Variants in NRP2 observed in about 807,000 individuals in gnomAD.
NRP2 encodes the protein neuropilin-2.
Under a neutral mutation model 110.4 loss-of-function variants are expected in NRP2, and 52 were observed. The observed-to-expected ratio is 0.47, with a 90% CI of 0.38 to 0.59. NRP2 has a LOEUF of 0.59. Ranked by LOEUF, NRP2 falls within the 20% of genes least tolerant of loss-of-function variation. The pLI, the probability that NRP2 is intolerant of heterozygous loss-of-function variation, is 0.00. For missense variants in NRP2, 1,049 were observed against 1,203.0 expected, an observed-to-expected ratio of 0.87 and a Z score of 1.89; for synonymous variants, 508 against 468.9, an observed-to-expected ratio of 1.08 and a Z score of -1.08.
intron 15 of NRP2, among the ~76,000 whole-genome samples, chr2:205,785,515 T>C (rs980587196): frequency 4.6e-5 from 7 of 152,232 alleles, no homozygotes; most frequent in Admixed American, 1.3e-4. Context: ...CAATTGCTTG[T>C]TCACATATCT....
At chr2:205,695,302 G>C (rs1022735176) in intron 1 of NRP2, among the ~76,000 whole-genome samples, 1 of 152,154 alleles carries the variant, frequency 6.6e-6, no homozygotes, top group Non-Finnish European at 1.5e-5. Flanking sequence ...ATTTTTTTGT[G>C]TGGTGGTGGT....
At chr2:205,702,932 T>C (rs2056591563) in intron 2 of NRP2, among the ~76,000 whole-genome samples, 1 of 152,166 alleles carries the variant, frequency 6.6e-6, no homozygotes, top group African/African-American at 2.4e-5. Flanking sequence ...TATCACCCTT[T>C]CCTCTGAACT....
At chr2:205,755,490 A>T (rs1011606593) in intron 12 of NRP2, among the ~76,000 whole-genome samples, 3 of 152,232 alleles carry the variant, frequency 2.0e-5, no homozygotes, top group Middle Eastern at 3.4e-3. Flanking sequence ...TGATGACTTT[A>T]TGAACCGTTC....
At chr2:205,745,165 T>G (rs1367952219) in intron 9 of NRP2, among the ~76,000 whole-genome samples, 2 of 152,200 alleles carry the variant, frequency 1.3e-5, no homozygotes, top group Non-Finnish European at 2.9e-5. Flanking sequence ...AGGTTTCTTT[T>G]GACAGGAGTG....
chr2:205,717,976 C>G (rs1010134415), intron 3 of NRP2, among the ~76,000 whole-genome samples: 1 of 152,148 alleles, frequency 6.6e-6, no homozygotes, highest in Non-Finnish European at 1.5e-5. Flanking sequence ...AGTAAAGGTA[C>G]AATTGACATG....
At chr2:205,766,720 T>G (rs2057925009) in intron 14 of NRP2, 63 bp from the exon 15 acceptor site, 4 of 1,415,952 alleles carry the variant, frequency 2.8e-6, no homozygotes, top group Admixed American at 1.7e-5. Flanking sequence ...AATTATTCAC[T>G]CTATGTTCAC....
At chr2:205,690,764 A>G (rs1227579568) in intron 1 of NRP2, among the ~76,000 whole-genome samples, 2 of 152,106 alleles carry the variant, frequency 1.3e-5, no homozygotes. Context: ...TGGGTGACAG[A>G]GTGAGACTCT....
chr2:205,752,648 A>G (rs1031581210), intron 11 of NRP2, 187 bp from the exon 12 acceptor site: 3 of 624,988 alleles, frequency 4.8e-6, no homozygotes, highest in Non-Finnish European at 8.5e-6. Context: ...ATGCCTGGGA[A>G]GGATGAGACC....
chr2:205,757,050 G>A (rs1450515459), intron 12 of NRP2, among the ~76,000 whole-genome samples: 2 of 152,194 alleles, frequency 1.3e-5, no homozygotes, highest in African/African-American at 4.8e-5. Context: ...TCCAGTGTGT[G>A]TTCCCCCTAA....
intron 12 of NRP2, among the ~76,000 whole-genome samples, chr2:205,757,326 G>A (rs940423722): frequency 6.6e-6 from 1 of 152,280 alleles, no homozygotes; most frequent in South Asian, 2.1e-4. Flanking sequence ...TCCTTCAAAT[G>A]TAAGAAGTAA....
chr2:205,725,828 G>T lies in NRP2; in HGVS notation c.821-85G>T. The T allele has an allele frequency of 1.4e-6, 2 of 1,398,992 alleles. No homozygotes were observed. Among genetic ancestry groups the T allele is most frequent in the Admixed American group, 1.7e-5 (1 of 59,532 alleles). The allele number at this position is 1,398,992 out of a possible 1,614,324, so 86.7% of individuals were successfully genotyped here. A position where few individuals can be genotyped will look rare whatever the true frequency, so the allele number is the denominator to read the frequency against. On this transcript the variant is annotated intron_variant, in intron 5 of 16. Transcript: ENST00000357785. This position sits in a 1 kb window ranked among gnomAD's most constrained non-coding sequence, Gnocchi z 4.1. Reference sequence around the variant, plus strand: ...AATGAGGAAGTGCCTGCAAGGACTTGTCCCTAGAAGGGAGGCAGCATTTGG... The same window carrying T: ...AATGAGGAAGTGCCTGCAAGGACTTTTCCCTAGAAGGGAGGCAGCATTTGG...
chr2:205,764,191 T>A, intron 13 of NRP2: 1 of 529,186 alleles, frequency 1.9e-6, no homozygotes, highest in Non-Finnish European at 3.4e-6. Flanking sequence ...CTCCATTTTA[T>A]TTTAGATTGC....
At chr2:205,701,792 A>C (rs530787652) in intron 2 of NRP2, among the ~76,000 whole-genome samples, 68 of 152,288 alleles carry the variant, frequency 4.5e-4, no homozygotes, top group African/African-American at 1.5e-3. Context: ...TTAAAAGAGA[A>C]CTTTAAAGAG....
At position 205,796,478 on chromosome 2, in the gene NRP2, TTTTA is replaced by T. The variant is rs1575693955; in HGVS notation, c.*1423_*1426del. On this transcript the variant is annotated 3_prime_UTR_variant, in exon 17 of 17. Transcript: ENST00000357785. ...CGCACGCATGCACACCAATTTATGT[TTTTA>T]TTAAGTGCCTTGAAAAAATGAAGAA... 6.6e-6 allele frequency: 1 copy of T among 152,576 alleles called. No individual in the cohort carries two copies. The highest frequency in any genetic ancestry group is 2.4e-5 in the African/African-American group (1 of 41,412). The allele number at this position is 152,576 out of a possible 1,614,324, so 9.5% of individuals were successfully genotyped here. A position where few individuals can be genotyped will look rare whatever the true frequency, so the allele number is the denominator to read the frequency against.
chr2:205,710,483 A>G (rs1422220576), intron 2 of NRP2, among the ~76,000 whole-genome samples: 3 of 152,270 alleles, frequency 2.0e-5, no homozygotes, highest in Admixed American at 6.5e-5. Flanking sequence ...TTGCAGATAT[A>G]CCAGCTTTTT....
intron 12 of NRP2, among the ~76,000 whole-genome samples, chr2:205,754,787 T>C (rs928863086): frequency 1.4e-5 from 2 of 139,778 alleles, no homozygotes; most frequent in African/African-American, 5.3e-5. Context: ...ATGAGTGTGT[T>C]TGTGGTTTCT....
intron 8 of NRP2, 114 bp downstream of exon 8, chr2:205,740,777 C>T (rs528789770): frequency 1.8e-6 from 2 of 1,142,558 alleles, no homozygotes; most frequent in African/African-American, 1.5e-5. Flanking sequence ...GAAAGACTGG[C>T]TCAAGGACTC....
intron 7 of NRP2, among the ~76,000 whole-genome samples, chr2:205,738,406 C>T (rs1012269228): frequency 5.9e-5 from 9 of 152,172 alleles, no homozygotes; most frequent in African/African-American, 1.9e-4. Flanking sequence ...CAAAGCAAAA[C>T]AAAACAAAAC....
At chr2:205,694,457 C>T (rs1276252913) in intron 1 of NRP2, among the ~76,000 whole-genome samples, 1 of 152,208 alleles carries the variant, frequency 6.6e-6, no homozygotes, top group Non-Finnish European at 1.5e-5. Flanking sequence ...TGCTATCTCT[C>T]TTCGGGTGAT....
Sources: allele counts gnomAD v4.1 joint callset (sites outside exome capture counted in the v4.1 genomes callset), GRCh38; gene constraint gnomAD v4.1.1; non-coding constraint Gnocchi (gnomAD v3.1); transcripts MANE v1.5; gene names NCBI Gene and HGNC (gene_info 2026-07-23, HGNC 2026-07-21).